Variants in HADH observed in about 807,000 individuals in gnomAD.
HADH encodes the protein hydroxyacyl-CoA dehydrogenase, also known as hydroxyacyl-coenzyme A dehydrogenase, mitochondrial.
In HADH, 24 loss-of-function variants were observed where a neutral mutation model predicts 32.2. That is an observed-to-expected ratio of 0.75 (90% CI 0.54 to 1.05). The LOEUF (loss-of-function observed/expected upper bound fraction) is 1.05. HADH is among the 50% of genes least tolerant of loss of function. HADH has a pLI of 0.00. For missense variants in HADH, 350 were observed against 397.1 expected (o/e 0.88, Z 1.01); for synonymous variants, 139 against 152.5 (o/e 0.91, Z 0.65).
chr4:107,995,599 T>C (rs1467840748), intron 1 of HADH, among the ~76,000 whole-genome samples: 2 of 152,220 alleles, frequency 1.3e-5, no homozygotes, highest in Non-Finnish European at 2.9e-5. Flanking sequence ...CTACAAAATA[T>C]GACACTTTAT....
chr4:108,028,898 G>A, intron 6 of HADH: 2 of 398,548 alleles, frequency 5.0e-6, no homozygotes, highest in Non-Finnish European at 8.8e-6. Context: ...TCTTGTCTGT[G>A]GTCCCTTTCT....
chr4:108,007,251 C>T lies in HADH; in HGVS notation c.133-2508C>T, dbSNP rs532467828. On this transcript the variant is annotated intron_variant, in intron 1 of 7. Transcript: ENST00000309522. Reference sequence around the variant, plus strand: ...CCTCCCGAGTAGCTGGGACTACAGGCGCCCGCCACCACGCCCGGCTAATTT... The same window carrying T: ...CCTCCCGAGTAGCTGGGACTACAGGTGCCCGCCACCACGCCCGGCTAATTT... Among the ~76,000 whole-genome samples, 27 of 152,214 alleles carry T rather than the reference C, an allele frequency of 1.8e-4. No homozygotes were observed. In the East Asian group the frequency reaches 2.3e-3, roughly 13 times the overall value.
At chr4:108,025,916 A>G (rs1284907386) in intron 5 of HADH, 1 of 152,238 alleles carries the variant, frequency 6.6e-6, no homozygotes, top group African/African-American at 2.4e-5. Flanking sequence ...CATTCCACCA[A>G]TATACTGATA....
intron 1 of HADH, among the ~76,000 whole-genome samples, chr4:107,993,762 G>A (rs1171086661): frequency 6.6e-6 from 1 of 152,088 alleles, no homozygotes; most frequent in Non-Finnish European, 1.5e-5. Flanking sequence ...TAGACTGCAG[G>A]TTAATATTTG....
chr4:108,012,633 T>C (rs913784837), intron 2 of HADH, among the ~76,000 whole-genome samples: 13 of 152,190 alleles, frequency 8.5e-5, no homozygotes, highest in African/African-American at 1.9e-4. Flanking sequence ...TGTGGAATGC[T>C]GAGAAAGGTA....
At chr4:108,033,017 A>G in intron 6 of HADH, 159 bp from the exon 7 acceptor site, 1 of 712,054 alleles carries the variant, frequency 1.4e-6, no homozygotes, top group African/African-American at 1.8e-5. Flanking sequence ...TTTGGCATGT[A>G]CTTTAGAGAG....
chr4:108,021,644 A>T (rs1355696390), intron 4 of HADH, among the ~76,000 whole-genome samples: 1 of 152,204 alleles, frequency 6.6e-6, no homozygotes, highest in Admixed American at 6.5e-5. Context: ...CTGTTTAAAA[A>T]GAAACAAACC....
chr4:108,017,926 G>C (rs74439259), intron 3 of HADH, among the ~76,000 whole-genome samples: 1,689 of 152,234 alleles, frequency 0.011, 34 homozygotes, highest in African/African-American at 0.039. Context: ...AGACTTTTAG[G>C]AACAAAGTCA....
intron 1 of HADH, among the ~76,000 whole-genome samples, chr4:107,998,142 A>G (rs1332160003): frequency 6.6e-6 from 1 of 152,210 alleles, no homozygotes; most frequent in Non-Finnish European, 1.5e-5. Flanking sequence ...AGGAGCCTAC[A>G]GTAGAGGAGT....
chr4:108,004,937 G>A (rs1735245266), intron 1 of HADH: 1 of 1,516,628 alleles, frequency 6.6e-7, no homozygotes, highest in Non-Finnish European at 8.9e-7. Context: ...CCCTAAACTA[G>A]TATTCAGGAT....
intron 5 of HADH, 21 bp from the exon 6 acceptor site, chr4:108,027,667 T>A (rs774356465): frequency 1.3e-6 from 2 of 1,543,534 alleles, no homozygotes; most frequent in Non-Finnish European, 1.8e-6. Context: ...TAGTTTTTTG[T>A]TTTTCTGTCT....
At chr4:108,018,596 C>T (rs1159576622) in intron 3 of HADH, among the ~76,000 whole-genome samples, 1 of 152,050 alleles carries the variant, frequency 6.6e-6, no homozygotes, top group African/African-American at 2.4e-5. Flanking sequence ...GTTTCTTCTC[C>T]CTTCTCTTCC....
intron 7 of HADH, 22 bp downstream of exon 7, chr4:108,033,314 T>C (rs777646010): frequency 6.0e-6 from 7 of 1,161,438 alleles, no homozygotes; most frequent in Non-Finnish European, 7.8e-6. Context: ...AATTTTTTGT[T>C]GTCTTTAATT....
chr4:108,009,208 G>A (rs1560728019), intron 1 of HADH, among the ~76,000 whole-genome samples: 2 of 152,214 alleles, frequency 1.3e-5, no homozygotes, highest in African/African-American at 2.4e-5. Context: ...GTAGAAGAGA[G>A]AAGGGCCAAG....
chr4:108,002,150 G>A (rs775619165), intron 1 of HADH, among the ~76,000 whole-genome samples: 13 of 152,138 alleles, frequency 8.5e-5, no homozygotes, highest in African/African-American at 2.9e-4. Context: ...CACAGTGCTC[G>A]TCCCCTCCAG....
chr4:108,004,890 G>A lies in HADH; in HGVS notation c.133-4869G>A, dbSNP rs963902830. 5 of 1,535,738 alleles carry A rather than the reference G, an allele frequency of 3.3e-6. No individual in the cohort carries two copies. In the African/African-American group the frequency reaches 5.5e-5, roughly 17 times the overall value. ...GGAGAGCTGAGCTTGGAGGCTGGAA[G>A]CCCAGCTGGGAGGCTATTGTTAAAG... On this transcript the variant is annotated intron_variant, in intron 1 of 7. Transcript: ENST00000309522.
intron 1 of HADH, chr4:108,004,546 C>A: frequency 1.1e-6 from 1 of 897,766 alleles, no homozygotes; most frequent in South Asian, 1.6e-5. Context: ...CTGTTTGTAG[C>A]CTCAAATCAA....
At chr4:108,021,395 A>G (rs1327587524) in intron 4 of HADH, among the ~76,000 whole-genome samples, 1 of 152,178 alleles carries the variant, frequency 6.6e-6, no homozygotes, top group East Asian at 1.9e-4. Flanking sequence ...GTATTTTGTA[A>G]AAGTGTTCTT....
Position 108,034,753 on chromosome 4 carries a change from C to G in HADH, c.*396C>G, listed in dbSNP as rs1185089073. ...TGCTGCGTGGGAGAGTCACAAGCCA[C>G]TGGCAAGCAAGTGGTATAGTCTGTG... On this transcript the variant is annotated 3_prime_UTR_variant, in exon 8 of 8. Transcript: ENST00000309522. 2.9e-6 allele frequency: 1 copy of G among 348,150 alleles called. No individual in the cohort carries two copies. Among genetic ancestry groups the G allele is most frequent in the Non-Finnish European group, 5.6e-6 (1 of 177,270 alleles). The allele number at this position is 348,150 out of a possible 1,614,324, so 21.6% of individuals were successfully genotyped here. A position where few individuals can be genotyped will look rare whatever the true frequency, so the allele number is the denominator to read the frequency against.
Sources: gnomAD v4.1 joint callset for allele counts (sites outside exome capture counted in the v4.1 genomes callset) on GRCh38, gnomAD v4.1.1 for gene constraint, MANE v1.5 for transcripts, NCBI Gene and HGNC (gene_info 2026-07-23, HGNC 2026-07-21) for gene names.